Variants in GSK3B observed in about 807,000 individuals in gnomAD.
GSK3B encodes glycogen synthase kinase-3 beta.
In GSK3B, 15 loss-of-function variants were observed where a neutral mutation model predicts 56.4. The ratio of observed to expected loss-of-function variants is 0.27; its 90% CI spans 0.18 to 0.41. The LOEUF (loss-of-function observed/expected upper bound fraction) is 0.41, where lower values mean the gene tolerates loss of function less well. GSK3B is among the 10% of genes least tolerant of loss of function. The pLI, the probability that GSK3B is intolerant of heterozygous loss-of-function variation, is 1.00. For synonymous variants in GSK3B, 181 were observed against 188.9 expected (o/e 0.96, Z 0.34); for missense variants, 300 against 513.4 (o/e 0.58, Z 4.02).
At chr3:120,038,980 G>GAACTCTTAA (rs60185021) in intron 1 of GSK3B, among the ~76,000 whole-genome samples, 148,646 of 151,948 alleles carry the variant, frequency 0.98, 72,738 homozygotes, top group East Asian at 1. Context: ...AATATACAAA[G>GAACTCTTAA]AACTCTTAAA....
At chr3:119,985,753 T>C (rs1176679589) in intron 2 of GSK3B, among the ~76,000 whole-genome samples, 2 of 152,178 alleles carry the variant, frequency 1.3e-5, no homozygotes, top group Admixed American at 6.5e-5. Flanking sequence ...AAAACGGCCA[T>C]ACTGCCCAAA....
chr3:119,933,294 T>C (rs1257927769), intron 3 of GSK3B, among the ~76,000 whole-genome samples: 1 of 152,152 alleles, frequency 6.6e-6, no homozygotes, highest in African/African-American at 2.4e-5. Context: ...CCATCCAATA[T>C]GAACTACAAC....
chr3:120,025,285 A>G (rs1351657866), intron 1 of GSK3B, among the ~76,000 whole-genome samples: 1 of 152,198 alleles, frequency 6.6e-6, no homozygotes, highest in Non-Finnish European at 1.5e-5. Context: ...CGGAAGTTGC[A>G]ATGAGCCTGG....
chr3:120,074,467 T>C (rs1270026415), intron 1 of GSK3B, among the ~76,000 whole-genome samples: 1 of 151,194 alleles, frequency 6.6e-6, no homozygotes, highest in Non-Finnish European at 1.5e-5. Flanking sequence ...TTCTCCTGCC[T>C]CAGCCTCCTG....
intron 3 of GSK3B, among the ~76,000 whole-genome samples, chr3:119,929,982 A>G (rs1007926377): frequency 5.3e-5 from 8 of 151,388 alleles, no homozygotes; most frequent in African/African-American, 1.9e-4. Flanking sequence ...TCGGGAGGCT[A>G]AGGTGGGAGG....
chr3:120,007,896 T>C (rs1004681830), intron 1 of GSK3B, among the ~76,000 whole-genome samples: 11 of 152,156 alleles, frequency 7.2e-5, no homozygotes, highest in African/African-American at 2.2e-4. Context: ...CTAGTCAACA[T>C]AGTATTGGAA....
intron 1 of GSK3B, among the ~76,000 whole-genome samples, chr3:120,047,538 A>G (rs1215656714): frequency 6.6e-6 from 1 of 152,212 alleles, no homozygotes; most frequent in African/African-American, 2.4e-5. Flanking sequence ...AAGATTTATG[A>G]TCTATCCTCA....
At chr3:120,082,725 A>G (rs1223759093) in intron 1 of GSK3B, among the ~76,000 whole-genome samples, 1 of 151,762 alleles carries the variant, frequency 6.6e-6, no homozygotes, top group Admixed American at 6.6e-5. Flanking sequence ...AGTGTAAAAC[A>G]CTCACTAGGT....
chr3:119,930,911 T>G (rs184880426), intron 3 of GSK3B, among the ~76,000 whole-genome samples: 15 of 152,304 alleles, frequency 9.8e-5, no homozygotes, highest in South Asian at 6.2e-4. Context: ...GCAGAATACA[T>G]CAAAGGAAGG....
At chr3:119,832,877 G>C (rs765995100) in intron 10 of GSK3B, 2 of 546,948 alleles carry the variant, frequency 3.7e-6, no homozygotes, top group Middle Eastern at 9.4e-4. Context: ...TTGTCCTGGA[G>C]TAAATTTTCA....
intron 8 of GSK3B, among the ~76,000 whole-genome samples, chr3:119,867,871 A>C (rs1484489150): frequency 6.6e-6 from 1 of 152,200 alleles, no homozygotes; most frequent in East Asian, 1.9e-4. Flanking sequence ...AATCTGGCCC[A>C]TCAGAATAAA....
At chr3:120,014,789 T>C (rs971347408) in intron 1 of GSK3B, among the ~76,000 whole-genome samples, 1 of 152,168 alleles carries the variant, frequency 6.6e-6, no homozygotes, top group African/African-American at 2.4e-5. Flanking sequence ...GAAAACAAAA[T>C]GGACAGATGT....
chr3:120,003,627 CTAGA>C (rs2057698645), intron 1 of GSK3B, among the ~76,000 whole-genome samples: 2 of 152,020 alleles, frequency 1.3e-5, no homozygotes, highest in African/African-American at 2.4e-5. Flanking sequence ...ATATAAATTG[CTAGA>C]TAAATGAATA....
At chr3:120,048,607 G>A (rs1308768114) in intron 1 of GSK3B, among the ~76,000 whole-genome samples, 8 of 152,158 alleles carry the variant, frequency 5.3e-5, no homozygotes, top group Admixed American at 2.0e-4. Flanking sequence ...TATGTACTGT[G>A]CTTAGAACAG....
chr3:120,017,905 A>G (rs2057840640), intron 1 of GSK3B, among the ~76,000 whole-genome samples: 1 of 152,224 alleles, frequency 6.6e-6, no homozygotes, highest in East Asian at 1.9e-4. Flanking sequence ...GAAAGTCACC[A>G]AAATAAATAC....
At chr3:119,832,916 A>C (rs184204160) in intron 10 of GSK3B, 2 of 882,254 alleles carry the variant, frequency 2.3e-6, no homozygotes. Context: ...TGGTATCATA[A>C]TTTCTTTTTA....
At chr3:120,087,150 C>T (rs150366197) in intron 1 of GSK3B, among the ~76,000 whole-genome samples, 238 of 152,338 alleles carry the variant, frequency 1.6e-3, no homozygotes, top group African/African-American at 5.5e-3. Flanking sequence ...CTGTCAATTA[C>T]CAGCCAATTC....
chr3:119,948,931 A>G (rs1389998481), intron 2 of GSK3B, among the ~76,000 whole-genome samples: 1 of 152,000 alleles, frequency 6.6e-6, no homozygotes, highest in Non-Finnish European at 1.5e-5. Context: ...CGAACTCCTG[A>G]CCTCAGACAA....
chr3:120,000,622 C>T (rs144077624), intron 2 of GSK3B, among the ~76,000 whole-genome samples: 15 of 151,994 alleles, frequency 9.9e-5, no homozygotes, highest in Non-Finnish European at 1.8e-4. Context: ...AAGGGAGCAA[C>T]GCTGCATAGT....
Sources: allele counts gnomAD v4.1 joint callset (sites outside exome capture counted in the v4.1 genomes callset), GRCh38; gene constraint gnomAD v4.1.1; transcripts MANE v1.5; gene names NCBI Gene and HGNC (gene_info 2026-07-23, HGNC 2026-07-21).